SEC14L5: variants seen among roughly 807,000 people sequenced by gnomAD.
The protein encoded by SEC14L5 is SEC14 like lipid binding 5, also known as SEC14-like protein 5.
Under a neutral mutation model 84.6 loss-of-function variants are expected in SEC14L5, and 96 were observed. The ratio of observed to expected loss-of-function variants is 1.13; its 90% CI spans 0.96 to 1.34. SEC14L5 has a LOEUF of 1.34. SEC14L5 is among the 40% of genes most tolerant of loss of function. The pLI, the probability that SEC14L5 is intolerant of heterozygous loss-of-function variation, is 0.00. For synonymous variants in SEC14L5, 546 were observed against 383.4 expected (o/e 1.42, Z -4.95); for missense variants, 1,224 against 942.5 (o/e 1.30, Z -3.91).
intron 8 of SEC14L5, among the ~76,000 whole-genome samples, chr16:4,998,399 C>T (rs1342608008): frequency 6.6e-6 from 1 of 151,998 alleles, no homozygotes; most frequent in Non-Finnish European, 1.5e-5. Flanking sequence ...AGTTAAATTG[C>T]CACTGAAGCC....
intron 15 of SEC14L5, among the ~76,000 whole-genome samples, chr16:5,014,048 C>G (rs1411424350): frequency 6.6e-6 from 1 of 152,244 alleles, no homozygotes; most frequent in Non-Finnish European, 1.5e-5. Context: ...GTTCCCAGAC[C>G]ATGCTTTGAG....
rs540562850 is a variant in SEC14L5 at position 4,996,415 on chromosome 16, C to T, written c.735C>T (p.Cys245=). The T allele has an allele frequency of 2.7e-5, 42 of 1,574,298 alleles. No individual in the cohort carries two copies. The East Asian group carries it at 9.7e-4, about 36-fold the overall frequency. Residue 245 remains cysteine, a synonymous_variant, in exon 7 of 16, where the codon TGC becomes TGT. Coordinates refer to ENST00000251170, the MANE Select transcript of SEC14L5 (RefSeq NM_014692.2). ...ACCTCACGCCCATGCAGGAGAGCTG[C>T]CTGATCCAGCTTCGGCACTGGTTAC... ...LGHLTPMQES[C]LIQLRHWLQE...
intron 2 of SEC14L5, among the ~76,000 whole-genome samples, chr16:4,981,813 GCTTGCCTCGC>G (rs1402751065): frequency 6.6e-6 from 1 of 152,202 alleles, no homozygotes; most frequent in African/African-American, 2.4e-5. Context: ...AAAGGAAGGG[GCTTGCCTCGC>G]TGGAAGGAGG....
intron 5 of SEC14L5, 22 bp from the exon 6 acceptor site, chr16:4,991,816 C>A (rs1246946297): frequency 1.3e-6 from 2 of 1,571,860 alleles, no homozygotes; most frequent in Non-Finnish European, 8.7e-7. Context: ...GCTCATGTGT[C>A]TTGGGTCTCT....
In SEC14L5 at chr16:5,011,208, G is replaced by C. The variant is rs1198463991; in HGVS notation, c.1914G>C (p.Leu638=). Residue 638 remains leucine (L), a synonymous_variant, in exon 15 of 16, where the codon CTG becomes CTC. Coordinates refer to ENST00000251170, the MANE Select transcript of SEC14L5 (RefSeq NM_014692.2). ...GTGTGGACGATGTCCTGACGGCTCTGCACAGCCCCGGGCCCAAGTGCAAAC... is the reference window on the plus strand; with the variant it reads ...GTGTGGACGATGTCCTGACGGCTCTCCACAGCCCCGGGCCCAAGTGCAAAC... ...LPGVDDVLTA[L]HSPGPKCKLL... The C allele has an allele frequency of 1.2e-6, 2 of 1,613,838 alleles. No homozygotes were observed. The highest frequency in any genetic ancestry group is 1.7e-6 in the Non-Finnish European group (2 of 1,179,868).
chr16:4,996,397 G>C lies in SEC14L5; in HGVS notation c.717G>C (p.Thr239=). The stretch of plus-strand genomic sequence containing the variant: ...TTGAGAGGTGCCTGGGCCACCTCAC[G>C]CCCATGCAGGAGAGCTGCCTGATCC... ...DYIERCLGHL[T]PMQESCLIQL... is the part of the protein sequence containing the mutation. The change falls in exon 7 of 16, where the codon ACG becomes ACC. Residue 239 remains threonine, a synonymous_variant. Transcript: ENST00000251170. 6.4e-7 allele frequency: 1 copy of C among 1,572,238 alleles called. No individual in the cohort carries two copies. The highest frequency in any genetic ancestry group is 8.6e-7 in the Non-Finnish European group (1 of 1,159,660).
chr16:4,974,083 G>A (rs960980845), intron 2 of SEC14L5, among the ~76,000 whole-genome samples: 1 of 152,256 alleles, frequency 6.6e-6, no homozygotes, highest in East Asian at 1.9e-4. Context: ...GGGGTGGCAG[G>A]GGAGGGGGCG....
intron 4 of SEC14L5, among the ~76,000 whole-genome samples, chr16:4,989,343 G>GT (rs1955528562): frequency 7.0e-6 from 1 of 142,614 alleles, no homozygotes; most frequent in Non-Finnish European, 1.5e-5. Flanking sequence ...TTTTTTGTTT[G>GT]TTTTTTTGAG....
intron 15 of SEC14L5, among the ~76,000 whole-genome samples, chr16:5,011,796 G>C (rs1048490267): frequency 2.0e-5 from 3 of 152,160 alleles, no homozygotes; most frequent in Admixed American, 6.5e-5. Flanking sequence ...TGGAGCCCCA[G>C]TCTTGTGGGT....
chr16:4,984,402 T>G (rs751677863), intron 2 of SEC14L5, among the ~76,000 whole-genome samples: 11 of 152,268 alleles, frequency 7.2e-5, no homozygotes, highest in Non-Finnish European at 1.5e-4. Context: ...ATATTCCATT[T>G]TATGGCTAGA....
rs534122915 is a variant in SEC14L5 at position 5,000,722 on chromosome 16, G to C, written c.1038G>C (p.Gly346=). Reference sequence around the variant, plus strand: ...CCAAAGGCTTGATGAAGGCCGTGGGGGAGGAGGCGCTGCTGCGGCATGTGA... The same window carrying C: ...CCAAAGGCTTGATGAAGGCCGTGGGCGAGGAGGCGCTGCTGCGGCATGTGA... The part of the protein sequence containing the change: ...MDTKGLMKAV[G]EEALLRHVLS... The change falls in exon 9 of 16, where the codon GGG becomes GGC. Residue 346 remains glycine (G), a synonymous_variant. Coordinates refer to ENST00000251170, the MANE Select transcript of SEC14L5 (RefSeq NM_014692.2). 1 of 1,552,626 alleles carries C rather than the reference G, an allele frequency of 6.4e-7. No individual in the cohort carries two copies. Among genetic ancestry groups the C allele is most frequent in the Admixed American group, 2.0e-5 (1 of 51,058 alleles).
At position 5,017,146 on chromosome 16, in the gene SEC14L5, A is replaced by T. The variant is rs1046495892; in HGVS notation, c.*2176A>T. 1.5e-5 allele frequency: 2 copies of T among 135,552 alleles called. No homozygotes were observed. Among genetic ancestry groups the T allele is most frequent in the African/African-American group, 5.4e-5 (2 of 36,806 alleles). 8.4% of individuals were successfully genotyped at this position (135,552 alleles called of 1,614,324 possible). ...CCAGAGAAGGACACAGAAGCCTTTT[A>T]CGGAAGGAAGCTGGAACTGCCTGTT... On this transcript the variant is annotated 3_prime_UTR_variant, in exon 16 of 16. Coordinates refer to ENST00000251170, the MANE Select transcript of SEC14L5 (RefSeq NM_014692.2).
In SEC14L5 at chr16:4,996,951, A is replaced by C; in HGVS notation, c.877A>C (p.Lys293Gln). Residue 293 changes from lysine (K) to glutamine (Q), a missense_variant, in exon 8 of 16, where the codon AAG becomes CAG. Coordinates refer to ENST00000251170, the MANE Select transcript of SEC14L5 (RefSeq NM_014692.2). ...EMLRQSLSWR[K>Q]QHQVDLLLQT... ...GCTGCGCCAGTCCTTGAGCTGGCGC[A>C]AGCAGCACCAGGTGGATCTCCTCCT... The C allele has an allele frequency of 6.2e-7, 1 of 1,613,474 alleles. No homozygotes were observed. The highest frequency in any genetic ancestry group is 8.5e-7 in the Non-Finnish European group (1 of 1,179,576).
At chr16:4,995,898 T>A (rs770997029) in intron 6 of SEC14L5, among the ~76,000 whole-genome samples, 3 of 152,134 alleles carry the variant, frequency 2.0e-5, no homozygotes, top group Non-Finnish European at 4.4e-5. Flanking sequence ...AGTCCTGGGA[T>A]TACAGTCGTG....
intron 6 of SEC14L5, among the ~76,000 whole-genome samples, chr16:4,995,623 TC>T (rs1433548577): frequency 1.6e-5 from 2 of 127,618 alleles, no homozygotes; most frequent in Non-Finnish European, 3.4e-5. Flanking sequence ...TCTCTCTCTC[TC>T]TTTTTTTTTT....
chr16:5,003,619 G>GCC, intron 11 of SEC14L5, 46 bp downstream of exon 11: 1 of 277,692 alleles, frequency 3.6e-6, no homozygotes, highest in Admixed American at 4.6e-5. Flanking sequence ...GGGTGGGTGG[G>GCC]ATGGGAGGGG....
At chr16:4,973,811 T>G (rs975129754) in intron 2 of SEC14L5, among the ~76,000 whole-genome samples, 3 of 151,522 alleles carry the variant, frequency 2.0e-5, no homozygotes, top group South Asian at 4.2e-4. Flanking sequence ...GCCTCCTGAG[T>G]AGCTGGGACT....
At chr16:4,971,018 G>A (rs931783584) in intron 2 of SEC14L5, among the ~76,000 whole-genome samples, 3 of 150,340 alleles carry the variant, frequency 2.0e-5, no homozygotes, top group African/African-American at 7.4e-5. Context: ...TGAGGCAGGA[G>A]AATCGCTTGA....
chr16:5,008,908 G>A (rs1195690143), intron 14 of SEC14L5, among the ~76,000 whole-genome samples: 2 of 152,206 alleles, frequency 1.3e-5, no homozygotes, highest in Non-Finnish European at 2.9e-5. Flanking sequence ...GGAGCACAGG[G>A]TCTGGAACCT....
Sources: gnomAD v4.1 joint callset for allele counts (sites outside exome capture counted in the v4.1 genomes callset) on GRCh38, gnomAD v4.1.1 for gene constraint, MANE v1.5 for transcripts, NCBI Gene and HGNC (gene_info 2026-07-23, HGNC 2026-07-21) for gene names.